The following HDAC9 variants were observed in gnomAD, a reference collection of about 807,000 sequenced individuals.
The protein encoded by HDAC9 is histone deacetylase 9, also known as MEF-2 interacting transcription repressor (MITR) protein.
A neutral mutation model predicts 139.4 loss-of-function variants in HDAC9; 41 were observed. That is an observed-to-expected ratio of 0.29 (90% CI 0.23 to 0.38). HDAC9 has a LOEUF of 0.38. Among genes scored for constraint, HDAC9 ranks in the 10% least tolerant of loss-of-function variants. HDAC9 has a pLI of 1.00. For missense variants in HDAC9, 1,147 were observed against 1,297.0 expected (o/e 0.88, Z 1.78); for synonymous variants, 517 against 476.2 (o/e 1.09, Z -1.12).
Position 18,727,534 on chromosome 7 carries a change from T to C in HDAC9, c.1732-46T>C. The C allele has an allele frequency of 2.0e-6, 3 of 1,513,130 alleles. No homozygotes were observed. In the South Asian group the frequency reaches 3.7e-5, roughly 19 times the overall value. 93.7% of individuals were successfully genotyped at this position (1,513,130 alleles called of 1,614,324 possible). A position where few individuals can be genotyped will look rare whatever the true frequency, so the allele number is the denominator to read the frequency against. On this transcript the variant is annotated intron_variant, in intron 12 of 25. Coordinates refer to ENST00000686413, the MANE Select transcript of HDAC9 (RefSeq NM_178425.4). The stretch of plus-strand genomic sequence containing the variant: ...ACATGTCGCTCAGTGTCTCCCTCAA[T>C]CCTTGTCTCACATTTCTTTCTACTG...
intron 8 of HDAC9, among the ~76,000 whole-genome samples, chr7:18,640,034 T>G (rs116743647): frequency 9.2e-5 from 14 of 152,150 alleles, no homozygotes; most frequent in African/African-American, 3.4e-4. Flanking sequence ...CTCATGCATA[T>G]TGTAGATAAT....
At chr7:18,275,239 G>A (rs1359387033) in intron 2 of HDAC9, among the ~76,000 whole-genome samples, 3 of 152,102 alleles carry the variant, frequency 2.0e-5, no homozygotes, top group Non-Finnish European at 2.9e-5. Flanking sequence ...CCTCTTGTCT[G>A]TACCTTCAAT....
At chr7:18,918,631 A>G (rs1001575389) in intron 22 of HDAC9, among the ~76,000 whole-genome samples, 30 of 152,050 alleles carry the variant, frequency 2.0e-4, no homozygotes, top group African/African-American at 7.2e-4. Flanking sequence ...CTCCTCCACT[A>G]AAAGATTAAT....
chr7:18,926,566 CTG>C (rs1804248074), intron 22 of HDAC9, among the ~76,000 whole-genome samples: 1 of 152,056 alleles, frequency 6.6e-6, no homozygotes, highest in South Asian at 2.1e-4. Context: ...ATGTATAAAA[CTG>C]TGGCACAGAG....
At chr7:18,921,163 A>G (rs1165601198) in intron 22 of HDAC9, among the ~76,000 whole-genome samples, 2 of 152,182 alleles carry the variant, frequency 1.3e-5, no homozygotes, top group Non-Finnish European at 2.9e-5. Flanking sequence ...CATTCAGGAC[A>G]TAGGCATGGG....
rs1783327119 is a variant in HDAC9 at position 18,958,707 on chromosome 7, T to C, written c.3022+4477T>C. Among the ~76,000 whole-genome samples, 3 of 152,166 alleles carry C rather than the reference T, an allele frequency of 2.0e-5. No individual in the cohort carries two copies. The South Asian group carries it at 6.2e-4, about 32-fold the overall frequency. ...ATGAATGAATCAGCTAGTCTGTCAA[T>C]GTTTGCCACATTTTTCTTCTAAGCC... On this transcript the variant is annotated intron_variant, in intron 24 of 25. Transcript: ENST00000686413.
chr7:18,438,645 CGTGTGTGTGTGTGTGT>C (rs5882662), intron 1 of HDAC9, among the ~76,000 whole-genome samples: 144 of 148,054 alleles, frequency 9.7e-4, no homozygotes, highest in African/African-American at 3.3e-3. Flanking sequence ...GCTGTGTGTG[CGTGTGTGTGTGTGTGT>C]GTGTGTGTGT....
intron 2 of HDAC9, among the ~76,000 whole-genome samples, chr7:18,556,836 G>C (rs1818969169): frequency 6.6e-6 from 1 of 151,890 alleles, no homozygotes; most frequent in African/African-American, 2.4e-5. Flanking sequence ...AGAGTTTTGG[G>C]GGTAATGTGG....
chr7:18,981,611 T>G (rs1694561113), intron 25 of HDAC9, among the ~76,000 whole-genome samples: 1 of 152,182 alleles, frequency 6.6e-6, no homozygotes, highest in South Asian at 2.1e-4. Flanking sequence ...CTTCCATCTT[T>G]AAAGCCAGCA....
At chr7:18,716,069 A>G (rs1298223972) in intron 12 of HDAC9, among the ~76,000 whole-genome samples, 1 of 152,252 alleles carries the variant, frequency 6.6e-6, no homozygotes, top group Admixed American at 6.5e-5. Context: ...AAAGGGAGGA[A>G]TAAAGGAAAT....
intron 9 of HDAC9, among the ~76,000 whole-genome samples, chr7:18,645,826 T>G (rs1205275191): frequency 6.6e-6 from 1 of 152,178 alleles, no homozygotes; most frequent in African/African-American, 2.4e-5. Context: ...TCAAGTTCAC[T>G]TGTATGTTCA....
At chr7:18,731,479 G>C (rs1786041689) in intron 13 of HDAC9, among the ~76,000 whole-genome samples, 2 of 152,088 alleles carry the variant, frequency 1.3e-5, no homozygotes, top group South Asian at 4.1e-4. Flanking sequence ...CAGCCCACTG[G>C]ATTAGGCACA....
chr7:18,459,201 G>A (rs1261899519), intron 1 of HDAC9, among the ~76,000 whole-genome samples: 1 of 152,008 alleles, frequency 6.6e-6, no homozygotes, highest in African/African-American at 2.4e-5. Flanking sequence ...TTAGGCCCCT[G>A]CATTCCTTCC....
chr7:18,833,102 T>C (rs1453246171), intron 19 of HDAC9, among the ~76,000 whole-genome samples: 1 of 152,154 alleles, frequency 6.6e-6, no homozygotes, highest in African/African-American at 2.4e-5. Context: ...CATAATTGAG[T>C]TTAACCTTTA....
At chr7:18,557,569 C>CTAG (rs888795339) in intron 2 of HDAC9, among the ~76,000 whole-genome samples, 1 of 150,404 alleles carries the variant, frequency 6.6e-6, no homozygotes, top group African/African-American at 2.4e-5. Flanking sequence ...GGGATTTCTA[C>CTAG]TAGTAGTAGT....
intron 1 of HDAC9, among the ~76,000 whole-genome samples, chr7:18,420,787 A>G (rs1235995937): frequency 1.3e-5 from 2 of 152,204 alleles, no homozygotes; most frequent in Non-Finnish European, 2.9e-5. Context: ...AGGTAGTGAT[A>G]CTACCCAGAA....
chr7:18,742,161 C>T lies in HDAC9; in HGVS notation c.1910-6844C>T, dbSNP rs112604353. The stretch of plus-strand genomic sequence containing the variant: ...CCAGTTTTGAAAGAAGGTCTACTAT[C>T]GGTTAAATGCTATAATACTAAGCAG... On this transcript the variant is annotated intron_variant, in intron 13 of 25. Coordinates refer to ENST00000686413, the MANE Select transcript of HDAC9 (RefSeq NM_178425.4). Among the ~76,000 whole-genome samples the T allele has an allele frequency of 3.7e-3, 557 of 152,224 alleles. 3 individuals carry two copies. Among genetic ancestry groups the T allele is most frequent in the African/African-American group, 0.013 (524 of 41,526 alleles).
chr7:18,116,476 T>G (rs1302815296), intron 1 of HDAC9, among the ~76,000 whole-genome samples: 1 of 152,148 alleles, frequency 6.6e-6, no homozygotes, highest in African/African-American at 2.4e-5. Flanking sequence ...TGATATTCAG[T>G]GTTTAAAAAT....
chr7:18,898,608 G>T (rs992180498), intron 22 of HDAC9, among the ~76,000 whole-genome samples: 3 of 151,680 alleles, frequency 2.0e-5, no homozygotes, highest in Admixed American at 2.0e-4. Flanking sequence ...TCAGAGAAAG[G>T]GTATGTACTC....
Sources: allele counts gnomAD v4.1 joint callset (sites outside exome capture counted in the v4.1 genomes callset), GRCh38; gene constraint gnomAD v4.1.1; transcripts MANE v1.5; gene names NCBI Gene and HGNC (gene_info 2026-07-23, HGNC 2026-07-21).